The following ADAMTS9 variants were observed in gnomAD, a reference collection of about 807,000 sequenced individuals.
ADAMTS9 encodes ADAM metallopeptidase with thrombospondin type 1 motif 9, also known as A disintegrin and metalloproteinase with thrombospondin motifs 9.
In ADAMTS9, 107 loss-of-function variants were observed where a neutral mutation model predicts 257.1. The ratio of observed to expected loss-of-function variants is 0.42; its 90% CI spans 0.36 to 0.49. ADAMTS9 has a LOEUF of 0.49. Ranked by LOEUF, ADAMTS9 falls within the 20% of genes least tolerant of loss-of-function variation. The pLI is 0.03. For missense variants in ADAMTS9, 2,353 were observed against 2,469.1 expected, an observed-to-expected ratio of 0.95 and a Z score of 1.00; for synonymous variants, 982 against 880.9, an observed-to-expected ratio of 1.11 and a Z score of -2.03.
intron 4 of ADAMTS9, among the ~76,000 whole-genome samples, chr3:64,657,316 A>T (rs886435416): frequency 2.0e-5 from 3 of 152,094 alleles, no homozygotes; most frequent in African/African-American, 7.2e-5. Flanking sequence ...CATATTGCTA[A>T]AATTAATTTT....
Position 64,686,792 on chromosome 3 carries a change from C to G in ADAMTS9, c.292G>C (p.Ala98Pro). ...SSSSSSTSSQ[A>P]HYRLSAFGQQ... ...CCGAAGGCAGAGAGGCGGTAATGCG[C>G]CTGGGAGGAGGTAGAGGAGGAAGAG... The change falls in exon 2 of 40, where the codon GCG (alanine) becomes CCG (proline). Residue 98 changes from alanine to proline, a missense_variant. By Grantham distance (27) the Ala-to-Pro change is conservative. Around this residue, in one of 3 missense-constraint regions of ADAMTS9, gnomAD observed 591 missense variants for 569.6 expected, o/e 1.04. Coordinates refer to ENST00000498707, the MANE Select transcript of ADAMTS9 (RefSeq NM_182920.2). The surrounding 1 kb of genome is among the most constrained non-coding windows in gnomAD (Gnocchi z 4.6). The G allele has an allele frequency of 1.2e-6, 2 of 1,613,986 alleles. No homozygotes were observed. The highest frequency in any genetic ancestry group is 1.7e-6 in the Non-Finnish European group (2 of 1,179,990).
chr3:64,596,758 A>G, intron 27 of ADAMTS9, 72 bp downstream of exon 27: 6 of 1,567,904 alleles, frequency 3.8e-6, no homozygotes, highest in South Asian at 1.2e-5. Flanking sequence ...CCTTGAAAAT[A>G]AAATCTGAAT....
intron 28 of ADAMTS9, among the ~76,000 whole-genome samples, chr3:64,575,538 G>T (rs553656664): frequency 6.6e-6 from 1 of 152,144 alleles, no homozygotes; most frequent in Non-Finnish European, 1.5e-5. Flanking sequence ...AAATTCCAAG[G>T]GGTGCTTGGG....
intron 3 of ADAMTS9, among the ~76,000 whole-genome samples, chr3:64,668,440 G>A (rs1402667434): frequency 6.6e-6 from 1 of 152,194 alleles, no homozygotes; most frequent in Admixed American, 6.5e-5. Context: ...GGAGATAAGA[G>A]TGTGAGCTCG....
intron 28 of ADAMTS9, among the ~76,000 whole-genome samples, chr3:64,573,757 A>G (rs2083759773): frequency 6.6e-6 from 1 of 152,232 alleles, no homozygotes; most frequent in African/African-American, 2.4e-5. Context: ...TGCCTTTGCC[A>G]ATGACAGTGA....
At position 64,686,794 on chromosome 3, in the gene ADAMTS9, T is replaced by C. The variant is rs1335656138; in HGVS notation, c.290A>G (p.Gln97Arg). ...GAAGGCAGAGAGGCGGTAATGCGCC[T>C]GGGAGGAGGTAGAGGAGGAAGAGGA... The part of the protein sequence containing the change: ...ASSSSSSTSS[Q>R]AHYRLSAFGQ... The change falls in exon 2 of 40, where the codon CAG becomes CGG. Residue 97 changes from glutamine (Q) to arginine (R), a missense_variant. Gln to Arg is a conservative substitution (Grantham distance 43, BLOSUM62 1). Around this residue, in one of 3 missense-constraint regions of ADAMTS9, gnomAD observed 591 missense variants for 569.6 expected, o/e 1.04. Coordinates refer to ENST00000498707, the MANE Select transcript of ADAMTS9 (RefSeq NM_182920.2). The surrounding 1 kb of genome is among the most constrained non-coding windows in gnomAD (Gnocchi z 4.6). 2.5e-6 allele frequency: 4 copies of C among 1,613,886 alleles called. No homozygotes were observed. The highest frequency in any genetic ancestry group is 1.3e-5 in the African/African-American group (1 of 74,880).
chr3:64,594,775 G>A (rs1216550813), intron 27 of ADAMTS9, among the ~76,000 whole-genome samples: 1 of 152,142 alleles, frequency 6.6e-6, no homozygotes, highest in Non-Finnish European at 1.5e-5. Context: ...CAATCTGTTA[G>A]CAAGTAACAA....
At chr3:64,539,517 T>C (rs953999534) in intron 36 of ADAMTS9, among the ~76,000 whole-genome samples, 1 of 152,182 alleles carries the variant, frequency 6.6e-6, no homozygotes, top group Non-Finnish European at 1.5e-5. Flanking sequence ...CCGAGCTTCA[T>C]CAGCCCCGAA....
intron 38 of ADAMTS9, among the ~76,000 whole-genome samples, chr3:64,527,858 C>A (rs1314035976): frequency 1.3e-5 from 2 of 152,182 alleles, no homozygotes; most frequent in Non-Finnish European, 2.9e-5. Flanking sequence ...AGTTCGGAGG[C>A]AGCCCAGGTC....
intron 22 of ADAMTS9, among the ~76,000 whole-genome samples, chr3:64,610,975 C>A (rs1269963621): frequency 6.7e-6 from 1 of 149,170 alleles, no homozygotes; most frequent in South Asian, 2.1e-4. Context: ...ACTCAGGAGG[C>A]TGAGGCAGGA....
intron 29 of ADAMTS9, among the ~76,000 whole-genome samples, chr3:64,561,992 A>G (rs2083435501): frequency 1.3e-5 from 2 of 152,208 alleles, no homozygotes; most frequent in Admixed American, 6.5e-5. Flanking sequence ...GGAATCCCTC[A>G]AGTTAATGTA....
At chr3:64,654,165 C>T (rs1398840064) in intron 8 of ADAMTS9, among the ~76,000 whole-genome samples, 188 bp downstream of exon 8, 2 of 152,184 alleles carry the variant, frequency 1.3e-5, no homozygotes, top group East Asian at 1.9e-4. Flanking sequence ...GAGTGCACTG[C>T]ATTTACTCAA....
At chr3:64,619,560 T>A (rs924894938) in intron 19 of ADAMTS9, among the ~76,000 whole-genome samples, 3 of 152,060 alleles carry the variant, frequency 2.0e-5, no homozygotes, top group African/African-American at 7.2e-5. Flanking sequence ...AATATATAAA[T>A]CATAATGTTG....
chr3:64,663,849 T>C (rs1321767969), intron 3 of ADAMTS9, among the ~76,000 whole-genome samples: 2 of 152,164 alleles, frequency 1.3e-5, no homozygotes, highest in Non-Finnish European at 2.9e-5. Context: ...TGAGTTAGAA[T>C]GATATTTATT....
chr3:64,653,960 A>G (rs1399571789), intron 8 of ADAMTS9, among the ~76,000 whole-genome samples: 1 of 148,560 alleles, frequency 6.7e-6, no homozygotes, highest in Non-Finnish European at 1.5e-5. Context: ...CTTGGGGGCC[A>G]CAGTAATGGT....
At chr3:64,684,644 G>C (rs1701847325) in intron 2 of ADAMTS9, among the ~76,000 whole-genome samples, 1 of 152,148 alleles carries the variant, frequency 6.6e-6, no homozygotes, top group South Asian at 2.1e-4. Flanking sequence ...TTCCCCAAAA[G>C]AGGCAGACTG....
At chr3:64,620,143 T>G (rs975366679) in intron 19 of ADAMTS9, among the ~76,000 whole-genome samples, 2 of 152,162 alleles carry the variant, frequency 1.3e-5, no homozygotes, top group Non-Finnish European at 2.9e-5. Flanking sequence ...AGTCAGAGCC[T>G]TCAGTCAGAA....
At chr3:64,651,908 T>C (rs929319984) in intron 8 of ADAMTS9, among the ~76,000 whole-genome samples, 3 of 152,214 alleles carry the variant, frequency 2.0e-5, no homozygotes, top group Admixed American at 2.0e-4. Context: ...TATGAAGGAT[T>C]GCCAACGTCC....
At chr3:64,641,733 A>G in intron 12 of ADAMTS9, 115 bp downstream of exon 12, 1 of 1,380,812 alleles carries the variant, frequency 7.2e-7, no homozygotes, top group Non-Finnish European at 1.0e-6. Context: ...CTTGAAGTTT[A>G]CGTTCTTTCT....
Sources: allele counts gnomAD v4.1 joint callset (sites outside exome capture counted in the v4.1 genomes callset), GRCh38; gene constraint gnomAD v4.1.1; regional missense constraint gnomAD v4.1.1; non-coding constraint Gnocchi (gnomAD v3.1); transcripts MANE v1.5; gene names NCBI Gene and HGNC (gene_info 2026-07-23, HGNC 2026-07-21).